Variants in RBFOX1 observed in about 807,000 individuals in gnomAD.
RBFOX1 encodes the protein RNA binding fox-1 homolog 1, also known as RNA binding protein fox-1 homolog 1.
Under a neutral mutation model 57.7 loss-of-function variants are expected in RBFOX1, and 8 were observed. The ratio of observed to expected loss-of-function variants is 0.14; its 90% CI spans 0.08 to 0.25. The LOEUF (loss-of-function observed/expected upper bound fraction) is 0.25, where lower values mean the gene tolerates loss of function less well. Among genes scored for constraint, RBFOX1 ranks in the 10% least tolerant of loss-of-function variants. The pLI is 1.00. For synonymous variants in RBFOX1, 326 were observed against 222.4 expected (o/e 1.47, Z -4.15); for missense variants, 611 against 548.5 (o/e 1.11, Z -1.14).
chr16:6,812,055 T>A (rs1025629693), intron 3 of RBFOX1, among the ~76,000 whole-genome samples: 1 of 152,060 alleles, frequency 6.6e-6, no homozygotes, highest in African/African-American at 2.4e-5. Context: ...GTTGGTTTCA[T>A]GTATCACCAT....
At chr16:6,317,105 C>G in intron 2 of RBFOX1, 48 bp downstream of exon 2, 1 of 1,458,206 alleles carries the variant, frequency 6.9e-7, no homozygotes, top group Non-Finnish European at 9.3e-7. Context: ...ACATCCATGT[C>G]TTTGATCCTG....
At chr16:6,380,708 T>C (rs1191073693) in intron 2 of RBFOX1, among the ~76,000 whole-genome samples, 4 of 150,272 alleles carry the variant, frequency 2.7e-5, no homozygotes, top group Non-Finnish European at 5.9e-5. Context: ...ACAAAACCAT[T>C]TCTGTAAAAC....
intron 4 of RBFOX1, among the ~76,000 whole-genome samples, chr16:7,117,328 G>A (rs1388211908): frequency 6.6e-6 from 1 of 152,054 alleles, no homozygotes; most frequent in Non-Finnish European, 1.5e-5. Flanking sequence ...TTGATTCGGT[G>A]GTAATGTGTC....
At chr16:6,639,955 T>C (rs1602350801) in intron 2 of RBFOX1, among the ~76,000 whole-genome samples, 1 of 152,270 alleles carries the variant, frequency 6.6e-6, no homozygotes, top group African/African-American at 2.4e-5. Flanking sequence ...TAACTATGTG[T>C]CAGCACTCTG....
intron 3 of RBFOX1, among the ~76,000 whole-genome samples, chr16:5,835,017 C>T (rs756514362): frequency 6.6e-6 from 1 of 152,160 alleles, no homozygotes; most frequent in Non-Finnish European, 1.5e-5. Context: ...TCACCATGGC[C>T]GTTTTTTAAG....
At chr16:5,427,609 C>G (rs965626527) in intron 1 of RBFOX1, among the ~76,000 whole-genome samples, 5 of 151,702 alleles carry the variant, frequency 3.3e-5, no homozygotes, top group African/African-American at 1.2e-4. Flanking sequence ...CAAAACAAAA[C>G]AAAACAAAAC....
intron 1 of RBFOX1, among the ~76,000 whole-genome samples, chr16:6,203,331 A>T (rs138291334): frequency 2.0e-3 from 302 of 152,108 alleles, no homozygotes; most frequent in African/African-American, 7.0e-3. Flanking sequence ...CCTCCTAATA[A>T]TGGGATCATG....
intron 3 of RBFOX1, among the ~76,000 whole-genome samples, chr16:6,873,183 G>T (rs1056988277): frequency 1.3e-5 from 2 of 151,282 alleles, no homozygotes; most frequent in African/African-American, 4.9e-5. Context: ...CGTGAAGAAG[G>T]AATAAACGAG....
At chr16:6,564,790 A>G (rs2097235509) in intron 2 of RBFOX1, among the ~76,000 whole-genome samples, 1 of 152,148 alleles carries the variant, frequency 6.6e-6, no homozygotes, top group South Asian at 2.1e-4. Flanking sequence ...GCATATATAA[A>G]TCATCACATT....
chr16:6,795,104 A>G (rs1567276746), intron 3 of RBFOX1, among the ~76,000 whole-genome samples: 1 of 152,174 alleles, frequency 6.6e-6, no homozygotes, highest in African/African-American at 2.4e-5. Flanking sequence ...ATTTCTGGGT[A>G]TATTTTATCT....
chr16:5,989,526 G>C (rs1333249537), intron 4 of RBFOX1, among the ~76,000 whole-genome samples: 1 of 152,072 alleles, frequency 6.6e-6, no homozygotes, highest in Non-Finnish European at 1.5e-5. Context: ...ATAGGATTTA[G>C]GGGCAAGAAC....
intron 3 of RBFOX1, among the ~76,000 whole-genome samples, chr16:6,761,080 A>C (rs560130898): frequency 6.6e-6 from 1 of 152,334 alleles, no homozygotes; most frequent in African/African-American, 2.4e-5. Context: ...ATTGATTAGT[A>C]GGGGGCTATC....
intron 1 of RBFOX1, among the ~76,000 whole-genome samples, chr16:6,208,386 A>G (rs993510974): frequency 1.3e-5 from 2 of 150,708 alleles, no homozygotes; most frequent in East Asian, 2.0e-4. Context: ...TGTCAGGGGT[A>G]GAAGCCGTTT....
chr16:6,021,475 C>T (rs929934606), intron 1 of RBFOX1, among the ~76,000 whole-genome samples: 2 of 152,114 alleles, frequency 1.3e-5, no homozygotes, highest in Admixed American at 6.5e-5. Context: ...AGCAAAGGAC[C>T]TGGGGCCTGT....
intron 2 of RBFOX1, among the ~76,000 whole-genome samples, chr16:6,521,217 A>G (rs1027427144): frequency 1.3e-5 from 2 of 152,264 alleles, no homozygotes; most frequent in African/African-American, 4.8e-5. Context: ...AATAGACATT[A>G]TGACAGGGAA....
In RBFOX1 at chr16:5,968,718, C is replaced by A. The variant is rs538704479; in HGVS notation, c.351+101383C>A. On this transcript the variant is annotated intron_variant, in intron 4 of 19. Transcript: ENST00000641259. Reference sequence around the variant, plus strand: ...GCAGGTATACTGTTTGTTTTTGTTTCGATGTGTGATTCCATTAATTTTTAA... The same window carrying A: ...GCAGGTATACTGTTTGTTTTTGTTTAGATGTGTGATTCCATTAATTTTTAA... Among the ~76,000 whole-genome samples the A allele has an allele frequency of 2.0e-5, 3 of 151,910 alleles. No individual in the cohort carries two copies. In the South Asian group the frequency reaches 6.3e-4, roughly 32 times the overall value.
At chr16:7,703,553 T>G (rs2081450309) in intron 14 of RBFOX1, among the ~76,000 whole-genome samples, 1 of 152,176 alleles carries the variant, frequency 6.6e-6, no homozygotes, top group African/African-American at 2.4e-5. Context: ...ATAGTGAAAT[T>G]AATTAGTGTT....
chr16:6,805,214 A>G, intron 3 of RBFOX1, among the ~76,000 whole-genome samples: 1 of 152,234 alleles, frequency 6.6e-6, no homozygotes, highest in Non-Finnish European at 1.5e-5. Context: ...TGCAGCCATA[A>G]AAAATGAGAT....
At chr16:6,771,658 T>G (rs549794813) in intron 3 of RBFOX1, among the ~76,000 whole-genome samples, 2 of 152,318 alleles carry the variant, frequency 1.3e-5, no homozygotes, top group Admixed American at 1.3e-4. Context: ...CATTTGGCAA[T>G]GTCAGGAGGC....
Sources: allele counts gnomAD v4.1 joint callset (sites outside exome capture counted in the v4.1 genomes callset), GRCh38; gene constraint gnomAD v4.1.1; transcripts MANE v1.5; gene names NCBI Gene and HGNC (gene_info 2026-07-23, HGNC 2026-07-21).